The following PSMA6 variants were observed in gnomAD, a reference collection of about 807,000 sequenced individuals.
The protein encoded by PSMA6 is proteasome subunit alpha type-6.
For missense variants in PSMA6, 170 were observed against 294.8 expected, an observed-to-expected ratio of 0.58 and a Z score of 3.10; for synonymous variants, 88 against 97.7, an observed-to-expected ratio of 0.90 and a Z score of 0.59.
At position 35,313,047 on chromosome 14, in the gene PSMA6, A is replaced by G. The variant is rs4665; in HGVS notation, c.576A>G (p.Glu192=). ...KVKKKFDWTF[E]QTVETAITCL... ...AGAAGAAATTTGATTGGACATTTGA[A>G]CAGACAGTGGAAGTAAGTCAACCAA... Residue 192 remains glutamate, a synonymous_variant, in exon 5 of 7, where the codon GAA becomes GAG. Coordinates refer to ENST00000261479, the MANE Select transcript of PSMA6 (RefSeq NM_002791.3). 0.039 allele frequency: 61,876 copies of G among 1,576,172 alleles called. 1,381 individuals carry two copies. Among genetic ancestry groups the G allele is most frequent in the Middle Eastern group, 0.077 (459 of 5,954 alleles).
chr14:35,312,702 T>C (rs1346529079), intron 4 of PSMA6, 179 bp from the exon 5 acceptor site: 1 of 496,828 alleles, frequency 2.0e-6, no homozygotes, highest in Non-Finnish European at 3.5e-6. Context: ...GGAATTTACC[T>C]GTTACCTAAT....
intron 1 of PSMA6, among the ~76,000 whole-genome samples, chr14:35,299,293 G>A (rs2051661443): frequency 6.7e-6 from 1 of 148,460 alleles, no homozygotes; most frequent in Non-Finnish European, 1.5e-5. Context: ...AAAGTGCTGG[G>A]ATTATAGGTG....
intron 1 of PSMA6, among the ~76,000 whole-genome samples, chr14:35,300,756 T>C (rs889705195): frequency 6.6e-6 from 1 of 152,152 alleles, no homozygotes; most frequent in African/African-American, 2.4e-5. Context: ...CCCGCTCTTC[T>C]AGAGTACGTT....
chr14:35,312,913 G>T lies in PSMA6; in HGVS notation c.442G>T (p.Gly148Cys), dbSNP rs138406054. ...MILIGIDEEQ[G>C]PQVYKCDPAG... The stretch of plus-strand genomic sequence containing the variant: ...TTTAATTGGTATAGATGAAGAGCAA[G>T]GCCCTCAGGTATATAAGTGTGATCC... The change falls in exon 5 of 7, where the codon GGC becomes TGC. Residue 148 changes from glycine to cysteine, a missense_variant. Coordinates refer to ENST00000261479, the MANE Select transcript of PSMA6 (RefSeq NM_002791.3). The T allele has an allele frequency of 4.4e-6, 7 of 1,594,808 alleles. No homozygotes were observed. The highest frequency in any genetic ancestry group is 6.0e-6 in the Non-Finnish European group (7 of 1,173,248).
At chr14:35,309,277 T>C (rs553264119) in intron 3 of PSMA6, among the ~76,000 whole-genome samples, 2 of 152,318 alleles carry the variant, frequency 1.3e-5, no homozygotes, top group South Asian at 2.1e-4. Flanking sequence ...CTATAGTTAG[T>C]AGTTTAAGGG....
rs979554861 is a variant in PSMA6 at position 35,310,925 on chromosome 14, T to C, written c.409+30T>C. On this transcript the variant is annotated intron_variant, in intron 4 of 6. Transcript: ENST00000261479. ...GTATGCTAAGAGGTCTCCCAAATAA[T>C]TGATGAATTGAAACTTTTTACAGAA... 4.4e-6 allele frequency: 7 copies of C among 1,592,114 alleles called. No homozygotes were observed. The Admixed American group carries it at 5.4e-5, about 12-fold the overall frequency.
chr14:35,312,506 C>CAAAAAAAA (rs200184285), intron 4 of PSMA6, among the ~76,000 whole-genome samples: 1 of 100,222 alleles, frequency 1.0e-5, no homozygotes, highest in Non-Finnish European at 1.9e-5. Context: ...GAGTCTGTCT[C>CAAAAAAAA]AAAAAAAAAA....
At chr14:35,297,357 A>G (rs1466677782) in intron 1 of PSMA6, among the ~76,000 whole-genome samples, 1 of 151,672 alleles carries the variant, frequency 6.6e-6, no homozygotes, top group South Asian at 2.1e-4. Flanking sequence ...CTGGGACTGT[A>G]GGCGCCTGCC....
At chr14:35,281,275 G>A (rs905212741) in intron 1 of PSMA6, among the ~76,000 whole-genome samples, 1 of 152,120 alleles carries the variant, frequency 6.6e-6, no homozygotes, top group Non-Finnish European at 1.5e-5. Flanking sequence ...GTATACCATA[G>A]TATTGCTAGA....
intron 4 of PSMA6, 124 bp downstream of exon 4, chr14:35,311,019 G>C: frequency 1.1e-6 from 1 of 921,410 alleles, no homozygotes; most frequent in Non-Finnish European, 1.6e-6. Flanking sequence ...CATAGAGTGG[G>C]AAAATCTTTA....
At chr14:35,297,822 C>T (rs939198919) in intron 1 of PSMA6, among the ~76,000 whole-genome samples, 1 of 152,152 alleles carries the variant, frequency 6.6e-6, no homozygotes, top group African/African-American at 2.4e-5. Flanking sequence ...CATTTTGCCA[C>T]CGTGCCTTTT....
chr14:35,293,096 A>G (rs904307228), intron 1 of PSMA6: 23 of 435,156 alleles, frequency 5.3e-5, no homozygotes, highest in African/African-American at 4.7e-4. Flanking sequence ...ACGTTAAACA[A>G]ACGGATAAAA....
chr14:35,290,180 C>T (rs2051462658), upstream of PSMA6, among the ~76,000 whole-genome samples: 1 of 152,060 alleles, frequency 6.6e-6, no homozygotes, highest in South Asian at 2.1e-4. Flanking sequence ...GAGAAGGGTC[C>T]AGCTAGAGAC....
At position 35,312,701 on chromosome 14, in the gene PSMA6, C is replaced by G; in HGVS notation, c.410-180C>G. 8.4e-6 allele frequency: 4 copies of G among 473,782 alleles called. No individual in the cohort carries two copies. In the Admixed American group the frequency reaches 1.2e-4, roughly 15 times the overall value. The allele number at this position is 473,782 out of a possible 1,614,324, so 29.3% of individuals were successfully genotyped here. Reference sequence around the variant, plus strand: ...ATCCTTTTGTGAAATGGGAATTTACCTGTTACCTAATTTACCTGTGGTGAT... The same window carrying G: ...ATCCTTTTGTGAAATGGGAATTTACGTGTTACCTAATTTACCTGTGGTGAT... On this transcript the variant is annotated intron_variant, in intron 4 of 6. Coordinates refer to ENST00000261479, the MANE Select transcript of PSMA6 (RefSeq NM_002791.3).
At chr14:35,305,234 C>G (rs1382413654) in intron 1 of PSMA6, among the ~76,000 whole-genome samples, 3 of 151,926 alleles carry the variant, frequency 2.0e-5, no homozygotes, top group African/African-American at 4.8e-5. Context: ...CCTCGACCTC[C>G]TGGGCTCAAG....
At position 35,295,436 on chromosome 14, in the gene PSMA6, G is replaced by A. The variant is rs375616771; in HGVS notation, c.76+2884G>A. On this transcript the variant is annotated intron_variant, in intron 1 of 6. Coordinates refer to ENST00000261479, the MANE Select transcript of PSMA6 (RefSeq NM_002791.3). ...AGTGTTTGCTCCCAGGGAGTGGAGAGAAAGACTTTTTCTTTTTTTTTTTTT... is the reference window on the plus strand; with the variant it reads ...AGTGTTTGCTCCCAGGGAGTGGAGAAAAAGACTTTTTCTTTTTTTTTTTTT... 6.0e-5 allele frequency among the ~76,000 whole-genome samples: 9 copies of A among 150,798 alleles called. No individual in the cohort carries two copies. In the South Asian group the frequency reaches 8.4e-4, roughly 14 times the overall value.
upstream of PSMA6, among the ~76,000 whole-genome samples, chr14:35,288,875 AC>A (rs2051447945): frequency 6.6e-6 from 1 of 152,238 alleles, no homozygotes; most frequent in African/African-American, 2.4e-5. Flanking sequence ...CCAACCCATG[AC>A]CTGCAGGCTG....
intron 1 of PSMA6, among the ~76,000 whole-genome samples, chr14:35,295,960 C>T (rs1166947517): frequency 6.6e-6 from 1 of 152,142 alleles, no homozygotes; most frequent in Non-Finnish European, 1.5e-5. Flanking sequence ...CTTCTGTTTG[C>T]TGATCCTTTG....
At chr14:35,293,793 C>T (rs892244171) in intron 1 of PSMA6, among the ~76,000 whole-genome samples, 1 of 152,112 alleles carries the variant, frequency 6.6e-6, no homozygotes, top group South Asian at 2.1e-4. Context: ...AAATAATTTT[C>T]GTATATTAGA....
Sources: allele counts gnomAD v4.1 joint callset (sites outside exome capture counted in the v4.1 genomes callset), GRCh38; gene constraint gnomAD v4.1.1; transcripts MANE v1.5; gene names NCBI Gene and HGNC (gene_info 2026-07-23, HGNC 2026-07-21).